MASP2: variants seen among roughly 807,000 people sequenced by gnomAD.
The protein encoded by MASP2 is MBL associated serine protease 2.
MASP2 carries 49 observed loss-of-function variants against 57.1 expected under a neutral mutation model. The observed-to-expected ratio is 0.86, with a 90% confidence interval of 0.68 to 1.09. The LOEUF (loss-of-function observed/expected upper bound fraction) is 1.09, where lower values mean the gene tolerates loss of function less well. MASP2 is among the 50% of genes least tolerant of loss of function. The pLI, the probability that MASP2 is intolerant of heterozygous loss-of-function variation, is 0.00. For synonymous variants in MASP2, 379 were observed against 340.8 expected (o/e 1.11, Z -1.24); for missense variants, 900 against 874.8 (o/e 1.03, Z -0.36).
intron 8 of MASP2, among the ~76,000 whole-genome samples, chr1:11,034,514 A>C (rs1186781071): frequency 6.6e-6 from 1 of 151,960 alleles, no homozygotes; most frequent in East Asian, 1.9e-4. Flanking sequence ...CCTGGGCAAC[A>C]TGGCAAAACT....
At chr1:11,033,737 C>G (rs892287198) in intron 8 of MASP2, among the ~76,000 whole-genome samples, 1 of 152,082 alleles carries the variant, frequency 6.6e-6, no homozygotes, top group South Asian at 2.1e-4. Flanking sequence ...TTGAGACCAG[C>G]CTGGCCAACA....
At chr1:11,028,120 G>A (rs1297091847) in intron 10 of MASP2, among the ~76,000 whole-genome samples, 1 of 152,066 alleles carries the variant, frequency 6.6e-6, no homozygotes, top group African/African-American at 2.4e-5. Flanking sequence ...CACTTGGGAG[G>A]CTGAGGCAGG....
intron 8 of MASP2, 63 bp downstream of exon 8, chr1:11,034,765 C>T: frequency 9.5e-7 from 1 of 1,051,382 alleles, no homozygotes. Context: ...ATAGAAGCAG[C>T]AACAGTAGCA....
chr1:11,046,792 G>A (rs1342671783), intron 2 of MASP2, 59 bp from the exon 3 acceptor site: 37 of 1,565,346 alleles, frequency 2.4e-5, no homozygotes, highest in Non-Finnish European at 3.0e-5. Context: ...CTCCCTCCTG[G>A]CCAAGCCTGG....
In MASP2 at chr1:11,042,953, T is replaced by C. The variant is rs756685955; in HGVS notation, c.811A>G (p.Ser271Gly). The C allele has an allele frequency of 3.1e-6, 5 of 1,614,070 alleles. No homozygotes were observed. In the East Asian group the frequency reaches 1.1e-4, roughly 36 times the overall value. The change falls in exon 6 of 11, where the codon AGC (serine) becomes GGC (glycine). Residue 271 changes from serine to glycine, a missense_variant. Coordinates refer to ENST00000400897, the MANE Select transcript of MASP2 (RefSeq NM_006610.4). ...KTLPHRIETK[S>G]NTVTITFVTD... Reference sequence around the variant, plus strand: ...ACAAAGGTGATGGTCACCGTGTTGCTTTTTGTTTCAATCCTGTGGGGCAAT... The same window carrying C: ...ACAAAGGTGATGGTCACCGTGTTGCCTTTTGTTTCAATCCTGTGGGGCAAT...
rs761179644 is a variant in MASP2, at chr1:11,045,506, G to T, written c.446C>A (p.Ala149Glu). ...GTGGCAGTGGTGGTCGCAGGTGGGC[G>T]CCTCTCCCGGGGCCACCTGGCACTC... is the stretch of plus-strand genomic sequence containing the variant. ...IDECQVAPGEAPTCDHHCHNH... is the reference protein window; with the variant it reads ...IDECQVAPGEEPTCDHHCHNH... The change falls in exon 4 of 11, where the codon GCG becomes GAG. Residue 149 changes from alanine (A) to glutamate (E), a missense_variant. Physicochemically the swap from Ala to Glu is moderately radical, Grantham distance 107. Transcript: ENST00000400897. The T allele has an allele frequency of 6.2e-7, 1 of 1,609,726 alleles. No individual in the cohort carries two copies.
intron 7 of MASP2, among the ~76,000 whole-genome samples, chr1:11,035,764 C>T (rs1643881779): frequency 1.3e-5 from 2 of 151,852 alleles, no homozygotes; most frequent in Non-Finnish European, 2.9e-5. Flanking sequence ...GGCGTGTTGG[C>T]GCTTGCCTGT....
At chr1:11,040,680 T>C (rs1638397486) in intron 6 of MASP2, among the ~76,000 whole-genome samples, 1 of 150,524 alleles carries the variant, frequency 6.6e-6, no homozygotes, top group African/African-American at 2.5e-5. Context: ...GGTGGGTGGA[T>C]AGATGGACAG....
In MASP2 at chr1:11,046,626, G is replaced by T; in HGVS notation, c.342C>A (p.Asp114Glu). ...TGGAGTAGTCGGAGCGGAAGGTAAT[G>T]TCCAGGCTGGAGCCCAGCGAGTAGA... ...DTFYSLGSSL[D>E]ITFRSDYSNE... The change falls in exon 3 of 11, where the codon GAC becomes GAA. Residue 114 changes from aspartate to glutamate, a missense_variant. Asp to Glu is a conservative substitution (Grantham distance 45). Transcript: ENST00000400897. 1 of 1,613,728 alleles carries T rather than the reference G, an allele frequency of 6.2e-7. No homozygotes were observed. Among genetic ancestry groups the T allele is most frequent in the Non-Finnish European group, 8.5e-7 (1 of 1,180,034 alleles).
At chr1:11,030,375 C>A (rs938025749) in intron 9 of MASP2, 125 bp from the exon 10 acceptor site, 5 of 661,680 alleles carry the variant, frequency 7.6e-6, no homozygotes, top group African/African-American at 7.3e-5. Context: ...GTCTGAAGAA[C>A]CATTTTACAT....
intron 3 of MASP2, 49 bp downstream of exon 3, chr1:11,046,507 C>T (rs767943383): frequency 1.9e-6 from 3 of 1,607,212 alleles, no homozygotes; most frequent in South Asian, 2.2e-5. Context: ...GAGTTACCCC[C>T]ACAGCCAGCT....
At chr1:11,034,956 C>A (rs1286385583) in intron 7 of MASP2, 50 bp from the exon 8 acceptor site, 2 of 1,332,830 alleles carry the variant, frequency 1.5e-6, no homozygotes, top group South Asian at 1.3e-5. Context: ...ATCATAAAAT[C>A]ACTCCCCAAA....
intron 3 of MASP2, 22 bp from the exon 4 acceptor site, chr1:11,045,561 G>C: frequency 2.5e-6 from 4 of 1,593,868 alleles, no homozygotes; most frequent in Non-Finnish European, 3.4e-6. Flanking sequence ...GCAGGGCCAG[G>C]CAGGCCGTCA....
intron 5 of MASP2, 97 bp from the exon 6 acceptor site, chr1:11,043,119 A>G: frequency 7.3e-7 from 1 of 1,370,716 alleles, no homozygotes; most frequent in Non-Finnish European, 1.0e-6. Context: ...AGGGACAGCC[A>G]ATGAGGCCAA....
At chr1:11,028,698 TTTTTTTTC>T (rs1162980398) in intron 10 of MASP2, among the ~76,000 whole-genome samples, 61 of 28,510 alleles carry the variant, frequency 2.1e-3, no homozygotes, top group South Asian at 0.013. Flanking sequence ...TCTTTCTGGG[TTTTTTTTC>T]TTTTTTTTTT....
Position 11,043,436 on chromosome 1 carries a change from A to C in MASP2, c.644T>G (p.Ile215Ser), listed in dbSNP as rs1445278474. ...GACACTGAACCCCTCCTCCAGGCTG[A>C]TGCTGTAAGTGCAACTGGAGAGTTT... The part of the protein sequence containing the change: ...YPKLSSCTYS[I>S]SLEEGFSVIL... The change falls in exon 5 of 11, where the codon ATC becomes AGC. Residue 215 changes from isoleucine to serine, a missense_variant. Ile to Ser is a moderately radical substitution (Grantham distance 142). Transcript: ENST00000400897. 6.2e-7 allele frequency: 1 copy of C among 1,611,176 alleles called. No homozygotes were observed.
chr1:11,030,616 T>C, intron 9 of MASP2, 132 bp downstream of exon 9: 1 of 985,084 alleles, frequency 1.0e-6, no homozygotes, highest in Non-Finnish European at 1.5e-6. Context: ...ATATTTCACT[T>C]AGCGGATGGG....
intron 4 of MASP2, chr1:11,044,761 T>TGCCCC: frequency 2.1e-5 from 27 of 1,313,552 alleles, no homozygotes; most frequent in East Asian, 3.2e-5. Context: ...CCCCGCCGCC[T>TGCCCC]CCCGACCCTC....
At chr1:11,028,227 A>AT (rs1456778548) in intron 10 of MASP2, among the ~76,000 whole-genome samples, 1 of 152,078 alleles carries the variant, frequency 6.6e-6, no homozygotes, top group Non-Finnish European at 1.5e-5. Flanking sequence ...CAAAAAAAAA[A>AT]GGAGATTAGG....
Sources: gnomAD v4.1 joint callset for allele counts (sites outside exome capture counted in the v4.1 genomes callset) on GRCh38, gnomAD v4.1.1 for gene constraint, MANE v1.5 for transcripts, NCBI Gene and HGNC (gene_info 2026-07-23, HGNC 2026-07-21) for gene names.